DEK: variants seen among roughly 807,000 people sequenced by gnomAD.
DEK encodes the protein DEK proto-oncogene, also known as protein DEK.
DEK carries 28 observed loss-of-function variants against 46.8 expected under a neutral mutation model. The ratio of observed to expected loss-of-function variants is 0.60; its 90% CI spans 0.44 to 0.82. DEK has a LOEUF of 0.82. DEK is among the 40% of genes least tolerant of loss of function. The pLI, the probability that DEK is intolerant of heterozygous loss-of-function variation, is 0.00. For missense variants in DEK, 416 were observed against 430.6 expected (o/e 0.97, Z 0.30); for synonymous variants, 160 against 144.5 (o/e 1.11, Z -0.77).
chr6:18,242,477 A>G (rs1342010601), intron 7 of DEK, among the ~76,000 whole-genome samples: 1 of 152,250 alleles, frequency 6.6e-6, no homozygotes, highest in Non-Finnish European at 1.5e-5. Flanking sequence ...GGAAAATTCC[A>G]GAAGTAAACA....
chr6:18,254,574 A>G (rs1210939542), intron 6 of DEK, among the ~76,000 whole-genome samples: 1 of 152,172 alleles, frequency 6.6e-6, no homozygotes, highest in Non-Finnish European at 1.5e-5. Flanking sequence ...AACTCATATT[A>G]AAAAAAGCTC....
intron 9 of DEK, among the ~76,000 whole-genome samples, chr6:18,228,213 G>C (rs1006353256): frequency 2.0e-5 from 3 of 152,104 alleles, no homozygotes; most frequent in Non-Finnish European, 4.4e-5. Flanking sequence ...TCAACTATGC[G>C]TTGTAGTGGC....
At chr6:18,258,569 A>G (rs143213332) in intron 2 of DEK, among the ~76,000 whole-genome samples, 164 bp from the exon 3 acceptor site, 93 of 152,322 alleles carry the variant, frequency 6.1e-4, no homozygotes, top group African/African-American at 2.2e-3. Flanking sequence ...CACTTGATTA[A>G]TTAATAGAGC....
intron 8 of DEK, 85 bp downstream of exon 8, chr6:18,237,296 T>C: frequency 6.9e-7 from 1 of 1,443,556 alleles, no homozygotes; most frequent in Non-Finnish European, 9.1e-7. Context: ...TTTACCTGTT[T>C]CTCCCACACA....
chr6:18,229,785 C>A lies in DEK; in HGVS notation c.1048-3543G>T, dbSNP rs529207221. Among the ~76,000 whole-genome samples, 389 of 152,274 alleles carry A rather than the reference C, an allele frequency of 2.6e-3. 1 individual carries two copies. The highest frequency in any genetic ancestry group is 0.01 in the Middle Eastern group (3 of 294). On this transcript the variant is annotated intron_variant, in intron 9 of 10. Coordinates refer to ENST00000652689, the MANE Select transcript of DEK (RefSeq NM_003472.4). ...CCTGAAAGTGACGGGGAGAATGGAACCAAGTTGGAAAACACTCTTCAGGAT... is the reference window on the plus strand; with the variant it reads ...CCTGAAAGTGACGGGGAGAATGGAAACAAGTTGGAAAACACTCTTCAGGAT...
In DEK at chr6:18,225,577, CAAGAT is replaced by C. The variant is rs1207075043; in HGVS notation, c.*137_*141del. 1 of 838,384 alleles carries C rather than the reference CAAGAT, an allele frequency of 1.2e-6. No homozygotes were observed. The highest frequency in any genetic ancestry group is 2.9e-5 in the Admixed American group (1 of 34,942). The allele number at this position is 838,384 out of a possible 1,614,324, so 51.9% of individuals were successfully genotyped here. A position where few individuals can be genotyped will look rare whatever the true frequency, so the allele number is the denominator to read the frequency against. The stretch of plus-strand genomic sequence containing the variant: ...AGCAAACTCAAATTCACATAACACT[CAAGAT>C]AAAAAGGTCAGCAGTAAGTTCTACT... On this transcript the variant is annotated 3_prime_UTR_variant, in exon 11 of 11. Coordinates refer to ENST00000652689, the MANE Select transcript of DEK (RefSeq NM_003472.4).
chr6:18,236,467 T>C lies in DEK; in HGVS notation c.1032A>G (p.Lys344=). The stretch of plus-strand genomic sequence containing the variant: ...GTCTAATTACCTTTTTGCAAATCTG[T>C]TTCATTGTGACTTCTTCCAAGTTAG... ...ASANLEEVTM[K]QICKKVYENY... is the part of the protein sequence containing the mutation. The change falls in exon 9 of 11, where the codon AAA becomes AAG. Residue 344 remains lysine, a synonymous_variant. Coordinates refer to ENST00000652689, the MANE Select transcript of DEK (RefSeq NM_003472.4). The C allele has an allele frequency of 6.2e-7, 1 of 1,611,224 alleles. No individual in the cohort carries two copies. Among genetic ancestry groups the C allele is most frequent in the Non-Finnish European group, 8.5e-7 (1 of 1,179,132 alleles).
At chr6:18,241,985 C>G (rs1295286636) in intron 7 of DEK, among the ~76,000 whole-genome samples, 1 of 152,178 alleles carries the variant, frequency 6.6e-6, no homozygotes, top group African/African-American at 2.4e-5. Context: ...CTGATAAGCA[C>G]AAGTGGATTT....
rs766415256 is a variant in DEK, at chr6:18,256,446, A to C, written c.367T>G (p.Leu123Val). The C allele has an allele frequency of 6.2e-7, 1 of 1,612,398 alleles. No individual in the cohort carries two copies. The highest frequency in any genetic ancestry group is 1.3e-5 in the African/African-American group (1 of 74,834). Residue 123 changes from leucine to valine, a missense_variant, in exon 5 of 11, where the codon TTA becomes GTA. Physicochemically the swap from Leu to Val is conservative, Grantham distance 32. Transcript: ENST00000652689. ...LYNRPGTVSS[L>V]KKNVGQFSGF... The stretch of plus-strand genomic sequence containing the variant: ...CTGAACTGACCCACATTCTTCTTTA[A>C]TGAGGACACCTGAAAATGTTCCTTA...
intron 7 of DEK, 104 bp from the exon 8 acceptor site, chr6:18,237,620 A>C: frequency 7.2e-7 from 1 of 1,398,012 alleles, no homozygotes; most frequent in Non-Finnish European, 9.5e-7. Flanking sequence ...AGAGAAAACC[A>C]ATATATTTGG....
intron 9 of DEK, among the ~76,000 whole-genome samples, chr6:18,232,711 A>T (rs1790463403): frequency 1.3e-5 from 2 of 152,216 alleles, no homozygotes; most frequent in Non-Finnish European, 2.9e-5. Context: ...AAAATAAAAG[A>T]GGACACAAAC....
chr6:18,259,730 G>A (rs1791771645), intron 2 of DEK, among the ~76,000 whole-genome samples: 1 of 152,146 alleles, frequency 6.6e-6, no homozygotes, highest in African/African-American at 2.4e-5. Context: ...ATAAATTGCT[G>A]TGCACTGAGG....
chr6:18,261,374 AC>A (rs1215069620), intron 2 of DEK, among the ~76,000 whole-genome samples: 3 of 152,210 alleles, frequency 2.0e-5, no homozygotes, highest in Non-Finnish European at 4.4e-5. Context: ...GGAGTTTGAG[AC>A]CAGCCTGACC....
intron 7 of DEK, among the ~76,000 whole-genome samples, chr6:18,241,290 AG>A (rs1790882856): frequency 6.6e-6 from 1 of 152,192 alleles, no homozygotes; most frequent in South Asian, 2.1e-4. Flanking sequence ...CAGAATTTGG[AG>A]GTAACAGAAA....
intron 7 of DEK, among the ~76,000 whole-genome samples, chr6:18,248,203 A>G (rs1449640803): frequency 6.6e-6 from 1 of 152,220 alleles, no homozygotes; most frequent in African/African-American, 2.4e-5. Context: ...TATAGTTTAA[A>G]TAACTTGCTT....
At chr6:18,241,537 T>C (rs1790894531) in intron 7 of DEK, among the ~76,000 whole-genome samples, 2 of 152,174 alleles carry the variant, frequency 1.3e-5, no homozygotes, top group African/African-American at 2.4e-5. Flanking sequence ...ATGGAAGGTA[T>C]TGTGAAGCTG....
chr6:18,259,373 C>T (rs182296121), intron 2 of DEK, among the ~76,000 whole-genome samples: 22 of 109,980 alleles, frequency 2.0e-4, no homozygotes, highest in Admixed American at 1.1e-3. Flanking sequence ...TCAGCCTGGG[C>T]GACACAGCAA....
intron 4 of DEK, among the ~76,000 whole-genome samples, chr6:18,257,239 C>G (rs1293805606): frequency 6.6e-6 from 1 of 152,122 alleles, no homozygotes; most frequent in Non-Finnish European, 1.5e-5. Context: ...GTATGAGATA[C>G]AAATGAGATC....
intron 7 of DEK, chr6:18,244,691 G>A: frequency 1.8e-6 from 1 of 549,508 alleles, no homozygotes; most frequent in East Asian, 7.2e-5. Context: ...AATGCCAAGA[G>A]GAAAGAATGT....
Sources: allele counts gnomAD v4.1 joint callset (sites outside exome capture counted in the v4.1 genomes callset), GRCh38; gene constraint gnomAD v4.1.1; transcripts MANE v1.5; gene names NCBI Gene and HGNC (gene_info 2026-07-23, HGNC 2026-07-21).